The following HIP1R variants were observed in gnomAD, a reference collection of about 807,000 sequenced individuals.
HIP1R encodes the protein huntingtin-interacting protein 1-related protein.
A neutral mutation model predicts 144.2 loss-of-function variants in HIP1R; 135 were observed. The observed-to-expected ratio is 0.94, with a 90% CI of 0.81 to 1.08. The LOEUF (loss-of-function observed/expected upper bound fraction) is 1.08. HIP1R is among the 50% of genes least tolerant of loss of function. The pLI, the probability that HIP1R is intolerant of heterozygous loss-of-function variation, is 0.00. For missense variants in HIP1R, 1,462 were observed against 1,432.8 expected (o/e 1.02, Z -0.33); for synonymous variants, 698 against 612.8 (o/e 1.14, Z -2.05).
intron 1 of HIP1R, among the ~76,000 whole-genome samples, chr12:122,844,138 C>T (rs2033142210): frequency 6.6e-6 from 1 of 151,900 alleles, no homozygotes; most frequent in African/African-American, 2.4e-5. Flanking sequence ...CACACCTGGC[C>T]TATTATTTTT....
rs1358285331 is a variant in HIP1R, at chr12:122,861,589, C to T, written c.3159+75C>T. 34 of 1,566,222 alleles carry T rather than the reference C, an allele frequency of 2.2e-5. No individual in the cohort carries two copies. The East Asian group carries it at 2.3e-4, about 11-fold the overall frequency. ...CAGCCCTAGAGGGGCACATGGTGCA[C>T]GTCCCTGGGGAAGTCAGGGACCACT... On this transcript the variant is annotated intron_variant, in intron 31 of 31. Transcript: ENST00000253083.
In HIP1R at chr12:122,855,581, G is replaced by T; in HGVS notation, c.1024G>T (p.Gly342Ter). Residue 342 changes from glycine (G) to a stop codon, truncating the protein, a stop_gained, in exon 12 of 32, where the codon GGA (glycine) becomes TGA (stop). Transcript: ENST00000253083. LOFTEE classifies it high-confidence loss of function. Reference sequence around the variant, plus strand: ...GGCTGACCTCTTCGATCAGACGTTTGGACCCCCCAATGGGTCTGTGAAGGA... The same window carrying T: ...GGCTGACCTCTTCGATCAGACGTTTTGACCCCCCAATGGGTCTGTGAAGGA... ...VVADLFDQTF[G>*]PPNGSVKDDR... 1 of 1,549,718 alleles carries T rather than the reference G, an allele frequency of 6.5e-7. No individual in the cohort carries two copies. The highest frequency in any genetic ancestry group is 1.2e-5 in the South Asian group (1 of 83,990).
Position 122,840,827 on chromosome 12 carries a change from G to T in HIP1R, c.93+5184G>T, listed in dbSNP as rs1159652218. ...TCTCCAGGGTTGGGAGGATATTCTG[G>T]GGGACGACAGCCTCAGGAGGTGCAG... On this transcript the variant is annotated intron_variant, in intron 1 of 31. Coordinates refer to ENST00000253083, the MANE Select transcript of HIP1R (RefSeq NM_003959.3). This position sits in a 1 kb window ranked among gnomAD's most constrained non-coding sequence, Gnocchi z 4.2. Among the ~76,000 whole-genome samples the T allele has an allele frequency of 6.6e-6, 1 of 152,152 alleles. No homozygotes were observed. Among genetic ancestry groups the T allele is most frequent in the Non-Finnish European group, 1.5e-5 (1 of 68,024 alleles).
chr12:122,837,369 A>G (rs1310394135), intron 1 of HIP1R, among the ~76,000 whole-genome samples: 1 of 148,648 alleles, frequency 6.7e-6, no homozygotes, highest in Admixed American at 6.7e-5. Flanking sequence ...CCCAGGCTGG[A>G]GTGCAATGGC....
chr12:122,857,954 G>A, intron 18 of HIP1R, 148 bp from the exon 19 acceptor site: 2 of 634,454 alleles, frequency 3.2e-6, no homozygotes, highest in Admixed American at 5.5e-5. Context: ...CACTGTGTGG[G>A]AAGCCTCTTT....
intron 2 of HIP1R, among the ~76,000 whole-genome samples, 165 bp from the exon 3 acceptor site, chr12:122,848,301 C>G (rs150563796): frequency 2.6e-5 from 4 of 152,346 alleles, no homozygotes; most frequent in Admixed American, 6.5e-5. Context: ...TTGTCTTGCC[C>G]TAACTCCTGT....
rs370848843 is a variant in HIP1R, at chr12:122,855,975, C to T, written c.1129-5C>T. ...CAGGGCCCCACGTCACACCTCCTCCCGCAGGCCCAGCGGTACATCGCGCAG... is the reference window on the plus strand; with the variant it reads ...CAGGGCCCCACGTCACACCTCCTCCTGCAGGCCCAGCGGTACATCGCGCAG... On this transcript the variant is annotated splice_region_variant and splice_polypyrimidine_tract_variant and intron_variant, in intron 13 of 31. Transcript: ENST00000253083. 59 of 1,581,784 alleles carry T rather than the reference C, an allele frequency of 3.7e-5. No individual in the cohort carries two copies. In the African/African-American group the frequency reaches 4.4e-4, roughly 12 times the overall value.
intron 18 of HIP1R, chr12:122,857,568 C>T (rs544126998): frequency 2.3e-6 from 1 of 435,882 alleles, no homozygotes; most frequent in South Asian, 2.2e-5. Context: ...AAACATCTGC[C>T]ATCACTTATC....
chr12:122,860,608 AGG>A (rs2033739944), intron 27 of HIP1R, 69 bp from the exon 28 acceptor site: 2 of 1,536,726 alleles, frequency 1.3e-6, no homozygotes, highest in South Asian at 2.2e-5. Context: ...CAGGGAGTAG[AGG>A]GGGTGTGGAG....
rs2033700195 is a variant in HIP1R, at chr12:122,859,539, G to A, written c.2406+3G>A. Reference sequence around the variant, plus strand: ...AAGATGCTGTGCGGAGGATTGAGGTGAGCACGGGATCTGGGGACTCCCCTC... The same window carrying A: ...AAGATGCTGTGCGGAGGATTGAGGTAAGCACGGGATCTGGGGACTCCCCTC... On this transcript the variant is annotated splice_donor_region_variant and intron_variant, in intron 23 of 31. Transcript: ENST00000253083. The A allele has an allele frequency of 6.2e-7, 1 of 1,608,032 alleles. No homozygotes were observed. The highest frequency in any genetic ancestry group is 1.3e-5 in the African/African-American group (1 of 74,818).
chr12:122,848,777 C>A lies in HIP1R; in HGVS notation c.301-19C>A, dbSNP rs1445091966. On this transcript the variant is annotated intron_variant, in intron 3 of 31. Coordinates refer to ENST00000253083, the MANE Select transcript of HIP1R (RefSeq NM_003959.3). ...ACGGTCCTGGACACTCCCCCACTCC[C>A]GTATTCCCTGCGCTGCAGGTGCTGC... 1.2e-5 allele frequency: 20 copies of A among 1,612,904 alleles called. No individual in the cohort carries two copies. The highest frequency in any genetic ancestry group is 1.7e-5 in the Non-Finnish European group (20 of 1,179,888).
Position 122,861,290 on chromosome 12 carries a change from CA to C in HIP1R, c.2953-17del. 1.9e-6 allele frequency: 3 copies of C among 1,613,538 alleles called. No homozygotes were observed. Among genetic ancestry groups the C allele is most frequent in the Non-Finnish European group, 2.5e-6 (3 of 1,179,952 alleles). ...CCTGGGGAGGCTGGGCTGGGCTGAG[CA>C]GGCCGTGTGGCTACAGGTGCGTGTC... On this transcript the variant is annotated splice_polypyrimidine_tract_variant and intron_variant, in intron 30 of 31. Transcript: ENST00000253083.
At chr12:122,859,369 T>A (rs1247695719) in intron 22 of HIP1R, 57 bp from the exon 23 acceptor site, 6 of 1,510,076 alleles carry the variant, frequency 4.0e-6, no homozygotes, top group Admixed American at 1.7e-5. Context: ...TTTCCCAGGC[T>A]GCCCGTGGGA....
chr12:122,845,952 G>C (rs918204119), intron 1 of HIP1R, among the ~76,000 whole-genome samples: 6 of 152,200 alleles, frequency 3.9e-5, no homozygotes, highest in African/African-American at 1.2e-4. Context: ...CCCATCCCGG[G>C]GTTTCCTCAG....
At chr12:122,858,006 G>T in intron 18 of HIP1R, 96 bp from the exon 19 acceptor site, 2 of 1,140,666 alleles carry the variant, frequency 1.8e-6, no homozygotes, top group Non-Finnish European at 2.4e-6. Flanking sequence ...GTCTCAGCTG[G>T]GCTCCAACTG....
At chr12:122,835,031 G>A, upstream of HIP1R, 1 of 1,284,518 alleles carries the variant, frequency 7.8e-7, no homozygotes, top group Non-Finnish European at 1.0e-6. Context: ...GGGGTGGGGA[G>A]AGGGAATTGG....
At chr12:122,848,192 G>A in intron 2 of HIP1R, 98 bp downstream of exon 2, 1 of 1,329,148 alleles carries the variant, frequency 7.5e-7, no homozygotes, top group Non-Finnish European at 1.1e-6. Flanking sequence ...GGGGTCACAA[G>A]TTCCCTCACT....
rs199946215 is a variant in HIP1R, at chr12:122,856,498, G to A, written c.1468G>A (p.Glu490Lys). 1.3e-4 allele frequency: 201 copies of A among 1,594,434 alleles called. No homozygotes were observed. Among genetic ancestry groups the A allele is most frequent in the Non-Finnish European group, 1.5e-4 (172 of 1,170,030 alleles). Reference protein sequence around the residue: ...QSQEEVARVKEQLAFQVEQVK... With the variant: ...QSQEEVARVKKQLAFQVEQVK... ...CCAGGAGGAGGTGGCGCGGGTGAAGGAGCAGCTGGCCTTCCAGGTGGAGCA... is the reference window on the plus strand; with the variant it reads ...CCAGGAGGAGGTGGCGCGGGTGAAGAAGCAGCTGGCCTTCCAGGTGGAGCA... The change falls in exon 16 of 32, where the codon GAG becomes AAG. Residue 490 changes from glutamate (E) to lysine (K), a missense_variant. This residue lies in a region of HIP1R where 1,112 missense variants were observed against 1,011.7 expected (regional missense o/e 1.10). Transcript: ENST00000253083.
chr12:122,862,129 C>G lies in HIP1R; in HGVS notation c.*376C>G. ...TCAGCACACTGGGAAACCGGGCCAG[C>G]GTGGGGCTCCCTGCCTTCTGGACTC... On this transcript the variant is annotated 3_prime_UTR_variant, in exon 32 of 32. Transcript: ENST00000253083. 1 of 197,278 alleles carries G rather than the reference C, an allele frequency of 5.1e-6. No homozygotes were observed. The highest frequency in any genetic ancestry group is 1.0e-5 in the Non-Finnish European group (1 of 98,168). The allele number at this position is 197,278 out of a possible 1,614,324, so 12.2% of individuals were successfully genotyped here.
Sources: gnomAD v4.1 joint callset for allele counts (sites outside exome capture counted in the v4.1 genomes callset) on GRCh38, gnomAD v4.1.1 for gene constraint, gnomAD v4.1.1 regional missense constraint, Gnocchi (gnomAD v3.1) non-coding constraint, MANE v1.5 for transcripts, NCBI Gene and HGNC (gene_info 2026-07-23, HGNC 2026-07-21) for gene names.